SPPL3: variants seen among roughly 807,000 people sequenced by gnomAD.
SPPL3 encodes signal peptide peptidase like 3, also known as signal peptide peptidase-like 3.
SPPL3 carries 5 observed loss-of-function variants against 42.4 expected under a neutral mutation model. The observed-to-expected ratio is 0.12, with a 90% CI of 0.06 to 0.25. The LOEUF (loss-of-function observed/expected upper bound fraction) is 0.25. Ranked by LOEUF, SPPL3 falls within the 10% of genes least tolerant of loss-of-function variation. SPPL3 has a pLI of 1.00. For synonymous variants in SPPL3, 195 were observed against 181.8 expected (o/e 1.07, Z -0.58); for missense variants, 235 against 489.0 (o/e 0.48, Z 4.90).
At chr12:120,856,997 T>C (rs551998371) in intron 1 of SPPL3, among the ~76,000 whole-genome samples, 1 of 152,302 alleles carries the variant, frequency 6.6e-6, no homozygotes, top group South Asian at 2.1e-4. Context: ...GCTAACCATC[T>C]GAAGCTCTCT....
intron 1 of SPPL3, among the ~76,000 whole-genome samples, chr12:120,850,848 A>G (rs1035055004): frequency 1.2e-4 from 18 of 152,180 alleles, no homozygotes; most frequent in African/African-American, 4.1e-4. Flanking sequence ...ATCGATCACT[A>G]CAACCTCTTG....
intron 6 of SPPL3, among the ~76,000 whole-genome samples, chr12:120,775,305 C>A (rs1566038331): frequency 2.0e-5 from 3 of 152,152 alleles, no homozygotes; most frequent in Non-Finnish European, 4.4e-5. Context: ...TGCATGCCAG[C>A]ACACCTTGGT....
chr12:120,903,726 A>AACCCCCC, intron 1 of SPPL3, 119 bp downstream of exon 1: 1 of 509,674 alleles, frequency 2.0e-6, no homozygotes, highest in Non-Finnish European at 3.0e-6. Flanking sequence ...GTGCACCCCA[A>AACCCCCC]CCCGCGCCCC....
At chr12:120,841,605 A>G (rs1197805303) in intron 1 of SPPL3, among the ~76,000 whole-genome samples, 2 of 152,202 alleles carry the variant, frequency 1.3e-5, no homozygotes, top group Non-Finnish European at 2.9e-5. Context: ...ATTCATCTGA[A>G]TTACATTAAA....
chr12:120,856,937 C>T (rs1872479199), intron 1 of SPPL3, among the ~76,000 whole-genome samples: 1 of 152,152 alleles, frequency 6.6e-6, no homozygotes, highest in African/African-American at 2.4e-5. Flanking sequence ...TACATTCCAA[C>T]TTATGGCCTG....
intron 1 of SPPL3, among the ~76,000 whole-genome samples, chr12:120,890,000 C>T (rs996776420): frequency 6.6e-6 from 1 of 152,066 alleles, no homozygotes; most frequent in Non-Finnish European, 1.5e-5. Flanking sequence ...AATCCCAGCA[C>T]TTTGGGAGGC....
At chr12:120,768,710 C>A in intron 7 of SPPL3, 1 of 643,542 alleles carries the variant, frequency 1.6e-6, no homozygotes, top group Non-Finnish European at 2.6e-6. Flanking sequence ...CCCACTGCAG[C>A]GAATCTTGTC....
chr12:120,887,051 G>A (rs966062654), intron 1 of SPPL3, among the ~76,000 whole-genome samples: 5 of 151,110 alleles, frequency 3.3e-5, no homozygotes, highest in Non-Finnish European at 5.9e-5. Context: ...TCGGCTCACT[G>A]CAACCTCTGC....
At chr12:120,902,996 T>C (rs1105416) in intron 1 of SPPL3, among the ~76,000 whole-genome samples, 37,103 of 152,040 alleles carry the variant, frequency 0.24, 5,626 homozygotes, top group Non-Finnish European at 0.35. Context: ...TGTCACCCCA[T>C]AAACTACACA....
intron 2 of SPPL3, among the ~76,000 whole-genome samples, chr12:120,795,530 T>C (rs1195571287): frequency 7.2e-5 from 11 of 152,238 alleles, no homozygotes; most frequent in Admixed American, 7.2e-4. Context: ...TTTCTTCCTG[T>C]ACTTTAAAGC....
chr12:120,851,762 C>T (rs1190116323), intron 1 of SPPL3, among the ~76,000 whole-genome samples: 1 of 152,124 alleles, frequency 6.6e-6, no homozygotes, highest in Non-Finnish European at 1.5e-5. Flanking sequence ...CGCTACCACA[C>T]CTGGCTAATT....
At chr12:120,884,101 CAAAAAAAA>C (rs33918080) in intron 1 of SPPL3, among the ~76,000 whole-genome samples, 7 of 124,086 alleles carry the variant, frequency 5.6e-5, no homozygotes, top group Admixed American at 4.1e-4. Context: ...AACTATGTCT[CAAAAAAAA>C]AAAAAAAAAA....
At chr12:120,784,408 A>G in intron 4 of SPPL3, 66 bp downstream of exon 4, 1 of 1,457,144 alleles carries the variant, frequency 6.9e-7, no homozygotes, top group East Asian at 2.4e-5. Context: ...TAATTTTTGA[A>G]CAATGATAAA....
chr12:120,857,575 G>A (rs945883227), intron 1 of SPPL3, among the ~76,000 whole-genome samples: 5 of 152,074 alleles, frequency 3.3e-5, no homozygotes, highest in Admixed American at 6.6e-5. Context: ...GAATCAACCC[G>A]AATGCCCATC....
At chr12:120,829,411 C>A (rs563221315) in intron 1 of SPPL3, among the ~76,000 whole-genome samples, 1 of 151,806 alleles carries the variant, frequency 6.6e-6, no homozygotes, top group Non-Finnish European at 1.5e-5. Context: ...GCCTGGCAGA[C>A]GTGGTGAAAC....
chr12:120,813,358 C>T (rs1201164456), intron 1 of SPPL3, among the ~76,000 whole-genome samples: 2 of 145,368 alleles, frequency 1.4e-5, no homozygotes, highest in Non-Finnish European at 3.0e-5. Flanking sequence ...ACTCTTGTTG[C>T]CCAGGCTGGA....
intron 4 of SPPL3, chr12:120,784,228 C>A: frequency 2.2e-5 from 7 of 323,274 alleles, no homozygotes; most frequent in South Asian, 1.8e-4. Context: ...TCATAGAATT[C>A]CTGCACTTTG....
chr12:120,898,770 G>C (rs1288446269), intron 1 of SPPL3, among the ~76,000 whole-genome samples: 1 of 152,130 alleles, frequency 6.6e-6, no homozygotes. Flanking sequence ...CCTTGGGCAA[G>C]TTACTTACAT....
At chr12:120,795,127 TTTCA>T (rs1870055022) in intron 2 of SPPL3, among the ~76,000 whole-genome samples, 1 of 152,126 alleles carries the variant, frequency 6.6e-6, no homozygotes, top group Non-Finnish European at 1.5e-5. Flanking sequence ...TCATTCATTC[TTTCA>T]TTCATCTTGC....
Sources: allele counts gnomAD v4.1 joint callset (sites outside exome capture counted in the v4.1 genomes callset), GRCh38; gene constraint gnomAD v4.1.1; transcripts MANE v1.5; gene names NCBI Gene and HGNC (gene_info 2026-07-23, HGNC 2026-07-21).